The following VCAN variants were observed in gnomAD, a reference collection of about 807,000 sequenced individuals.
VCAN encodes the protein versican, also known as versican core protein.
VCAN carries 44 observed loss-of-function variants against 245.5 expected under a neutral mutation model. The ratio of observed to expected loss-of-function variants is 0.18; its 90% CI spans 0.14 to 0.23. The LOEUF is 0.23. Ranked by LOEUF, VCAN falls within the 10% of genes least tolerant of loss-of-function variation. VCAN has a pLI of 1.00. For synonymous variants in VCAN, 1,413 were observed against 1,437.0 expected (o/e 0.98, Z 0.38); for missense variants, 3,793 against 4,057.9 (o/e 0.93, Z 1.77).
intron 1 of VCAN, among the ~76,000 whole-genome samples, chr5:83,476,851 T>A (rs142675086): frequency 1.3e-5 from 2 of 152,274 alleles, no homozygotes; most frequent in Non-Finnish European, 1.5e-5. Flanking sequence ...TTACCAACTA[T>A]AAAAGGATAC....
chr5:83,545,785 ATC>A lies in VCAN; in HGVS notation c.9379+137_9379+138del. ...TAATTATATGTTAAATGAAGTTAAAATCTGAGGGTAATTAACTAGGGGCTGGA... is the reference window on the plus strand; with the variant it reads ...TAATTATATGTTAAATGAAGTTAAAATGAGGGTAATTAACTAGGGGCTGGA... On this transcript the variant is annotated intron_variant, in intron 9 of 14. Coordinates refer to ENST00000265077, the MANE Select transcript of VCAN (RefSeq NM_004385.5). 10 of 780,804 alleles carry A rather than the reference ATC, an allele frequency of 1.3e-5. No homozygotes were observed. In the South Asian group the frequency reaches 1.5e-4, roughly 11 times the overall value. The allele number at this position is 780,804 out of a possible 1,614,324, so 48.4% of individuals were successfully genotyped here. A position where few individuals can be genotyped will look rare whatever the true frequency, so the allele number is the denominator to read the frequency against.
At chr5:83,558,522 GTC>G (rs1424837827) in intron 12 of VCAN, among the ~76,000 whole-genome samples, 22 of 152,078 alleles carry the variant, frequency 1.4e-4, no homozygotes, top group South Asian at 1.2e-3. Context: ...ACCTTAAAGT[GTC>G]TTTTGATATT....
At chr5:83,484,992 G>A (rs1744746387) in intron 2 of VCAN, among the ~76,000 whole-genome samples, 4 of 152,116 alleles carry the variant, frequency 2.6e-5, no homozygotes, top group African/African-American at 7.2e-5. Flanking sequence ...CATGAACAGA[G>A]AGATTAGCAG....
chr5:83,577,239 C>A (rs1404537801), intron 13 of VCAN, among the ~76,000 whole-genome samples: 1 of 152,022 alleles, frequency 6.6e-6, no homozygotes, highest in South Asian at 2.1e-4. Flanking sequence ...ATCGTGAGTT[C>A]CTCAAATCTT....
rs1205864455 is a variant in VCAN at position 83,537,905 on chromosome 5, T to C, written c.4902T>C (p.Ser1634=). 1 of 1,613,948 alleles carries C rather than the reference T, an allele frequency of 6.2e-7. No individual in the cohort carries two copies. Among genetic ancestry groups the C allele is most frequent in the Non-Finnish European group, 8.5e-7 (1 of 1,179,952 alleles). Residue 1634 remains serine, a synonymous_variant, in exon 8 of 15, where the codon TCT becomes TCC. Transcript: ENST00000265077. The part of the protein sequence containing the change: ...PRQVVELSGS[S]SIPITEGSGE... ...AAGTTGTAGAGCTCTCAGGGAGTTC[T>C]TCGATTCCAATTACAGAAGGCTCTG...
intron 12 of VCAN, among the ~76,000 whole-genome samples, chr5:83,565,207 T>G (rs1248137122): frequency 6.6e-6 from 1 of 152,208 alleles, no homozygotes; most frequent in Non-Finnish European, 1.5e-5. Flanking sequence ...GTCTGTGTAT[T>G]GGACAGCTCA....
chr5:83,568,862 T>C (rs1423687601), intron 12 of VCAN, among the ~76,000 whole-genome samples: 2 of 152,112 alleles, frequency 1.3e-5, no homozygotes, highest in Non-Finnish European at 2.9e-5. Context: ...GAAGATTTTA[T>C]TGCATTTGCT....
Position 83,520,388 on chromosome 5 carries a change from G to C in VCAN, c.2082G>C (p.Met694Ile). 1 of 1,612,860 alleles carries C rather than the reference G, an allele frequency of 6.2e-7. No homozygotes were observed. Among genetic ancestry groups the C allele is most frequent in the Non-Finnish European group, 8.5e-7 (1 of 1,179,642 alleles). The change falls in exon 7 of 15, where the codon ATG (methionine) becomes ATC (isoleucine). Residue 694 changes from methionine to isoleucine, a missense_variant. Physicochemically the swap from Met to Ile is conservative, Grantham distance 10. Coordinates refer to ENST00000265077, the MANE Select transcript of VCAN (RefSeq NM_004385.5). ...RERTETLIPEMRTDTYTDEIQ... is the reference protein window; with the variant it reads ...RERTETLIPEIRTDTYTDEIQ... ...GAACAGAAACACTAATACCAGAGAT[G>C]AGAACAGATACTTATACAGATGAAA...
intron 10 of VCAN, among the ~76,000 whole-genome samples, chr5:83,551,791 C>G (rs1367640807): frequency 6.6e-6 from 1 of 152,088 alleles, no homozygotes; most frequent in Non-Finnish European, 1.5e-5. Flanking sequence ...ATAGGAAGAG[C>G]TGTGTTCTTC....
At chr5:83,530,708 G>T (rs182851100) in intron 7 of VCAN, among the ~76,000 whole-genome samples, 2 of 152,104 alleles carry the variant, frequency 1.3e-5, no homozygotes, top group African/African-American at 4.8e-5. Flanking sequence ...TTTGTTAAGC[G>T]AATAGCTCCA....
chr5:83,542,601 AT>A (rs1747047473), intron 8 of VCAN, among the ~76,000 whole-genome samples: 1 of 152,208 alleles, frequency 6.6e-6, no homozygotes, highest in African/African-American at 2.4e-5. Flanking sequence ...CATATGTCTC[AT>A]AGTTATACAT....
Position 83,541,026 on chromosome 5 carries a change from C to T in VCAN, c.8023C>T (p.Pro2675Ser). ...HMGFHFTTGI[P>S]APSTETELDV... ...GGGCTTTCACTTCACAACTGGGATCCCTGCTCCTAGCACAGAAACAGAATT... is the reference window on the plus strand; with the variant it reads ...GGGCTTTCACTTCACAACTGGGATCTCTGCTCCTAGCACAGAAACAGAATT... The change falls in exon 8 of 15, where the codon CCT (proline) becomes TCT (serine). Residue 2675 changes from proline (P) to serine (S), a missense_variant. Pro to Ser is a moderately conservative substitution (Grantham distance 74). Around this residue, in one of 5 missense-constraint regions of VCAN, gnomAD observed 3,182 missense variants for 3,250.3 expected, o/e 0.98. Coordinates refer to ENST00000265077, the MANE Select transcript of VCAN (RefSeq NM_004385.5). 1 of 1,614,024 alleles carries T rather than the reference C, an allele frequency of 6.2e-7. No individual in the cohort carries two copies. Among genetic ancestry groups the T allele is most frequent in the Non-Finnish European group, 8.5e-7 (1 of 1,179,980 alleles).
chr5:83,570,809 A>AC (rs1703277466), intron 12 of VCAN, among the ~76,000 whole-genome samples: 1 of 138,660 alleles, frequency 7.2e-6, no homozygotes, highest in African/African-American at 2.7e-5. Context: ...TAGGTAGTAG[A>AC]GTAATTGGAC....
chr5:83,496,272 C>G (rs1477603769), intron 5 of VCAN, among the ~76,000 whole-genome samples: 2 of 152,166 alleles, frequency 1.3e-5, no homozygotes, highest in African/African-American at 4.8e-5. Flanking sequence ...GACGTCCTCT[C>G]CCACTTCCAT....
At chr5:83,560,393 A>C (rs913528875) in intron 12 of VCAN, among the ~76,000 whole-genome samples, 1 of 152,146 alleles carries the variant, frequency 6.6e-6, no homozygotes, top group Non-Finnish European at 1.5e-5. Flanking sequence ...AAAAGGAAAT[A>C]TCACTCCCAA....
intron 2 of VCAN, among the ~76,000 whole-genome samples, chr5:83,485,752 G>C (rs1264735865): frequency 1.3e-5 from 2 of 151,970 alleles, no homozygotes; most frequent in Admixed American, 1.3e-4. Context: ...TTGACTCCTG[G>C]GATGGCTCTC....
intron 13 of VCAN, among the ~76,000 whole-genome samples, chr5:83,575,554 T>C (rs936724058): frequency 1.3e-5 from 2 of 152,230 alleles, no homozygotes; most frequent in Non-Finnish European, 2.9e-5. Context: ...TAGCAGGGTT[T>C]CTCAACAGCA....
chr5:83,526,323 T>C (rs964767137), intron 7 of VCAN, among the ~76,000 whole-genome samples: 2 of 152,260 alleles, frequency 1.3e-5, no homozygotes, highest in East Asian at 1.9e-4. Flanking sequence ...TCTTACAGAA[T>C]TTTAAAGAAC....
chr5:83,475,368 T>C (rs1315501486), intron 1 of VCAN, among the ~76,000 whole-genome samples: 1 of 152,228 alleles, frequency 6.6e-6, no homozygotes, highest in Non-Finnish European at 1.5e-5. Flanking sequence ...TTCCATCACC[T>C]CAGATTCTGT....
Sources: allele counts gnomAD v4.1 joint callset (sites outside exome capture counted in the v4.1 genomes callset), GRCh38; gene constraint gnomAD v4.1.1; regional missense constraint gnomAD v4.1.1; transcripts MANE v1.5; gene names NCBI Gene and HGNC (gene_info 2026-07-23, HGNC 2026-07-21).